Variants in PCDHGB2 observed in about 807,000 individuals in gnomAD.
PCDHGB2 encodes the protein protocadherin gamma subfamily B, 2.
A neutral mutation model predicts 59.3 loss-of-function variants in PCDHGB2; 55 were observed. That is an observed-to-expected ratio of 0.93 (90% CI 0.75 to 1.16). The LOEUF (loss-of-function observed/expected upper bound fraction) is 1.16, where lower values mean the gene tolerates loss of function less well. PCDHGB2 is among the 50% of genes most tolerant of loss of function. The probability of loss-of-function intolerance (pLI) is 0.00; values close to 1 mark genes in which losing one functional copy is unlikely to be tolerated. For missense variants in PCDHGB2, 1,228 were observed against 1,198.5 expected (o/e 1.02, Z -0.36); for synonymous variants, 516 against 512.0 (o/e 1.01, Z -0.11).
At chr5:141,404,080 C>T (rs369802030) in intron 1 of PCDHGB2, 6 of 1,613,516 alleles carry the variant, frequency 3.7e-6, no homozygotes, top group Non-Finnish European at 4.2e-6. Context: ...ACCGAGACTC[C>T]GGGAAGAATG....
chr5:141,509,709 T>C (rs1344120168), intron 3 of PCDHGB2, among the ~76,000 whole-genome samples: 1 of 152,200 alleles, frequency 6.6e-6, no homozygotes, highest in African/African-American at 2.4e-5. Context: ...CTGGAGGTGC[T>C]GTCTGATGTC....
chr5:141,442,786 A>T (rs569050347), intron 1 of PCDHGB2, among the ~76,000 whole-genome samples: 12 of 152,308 alleles, frequency 7.9e-5, no homozygotes, highest in African/African-American at 2.6e-4. Context: ...TATATTTTAT[A>T]ATTTTACTTT....
chr5:141,365,581 T>C (rs751305003), intron 1 of PCDHGB2: 49 of 1,613,586 alleles, frequency 3.0e-5, no homozygotes, highest in Middle Eastern at 1.6e-4. Context: ...AGACTTCAGA[T>C]TATAATATCA....
chr5:141,446,138 T>C (rs1254949926), intron 1 of PCDHGB2, among the ~76,000 whole-genome samples: 1 of 152,208 alleles, frequency 6.6e-6, no homozygotes, highest in African/African-American at 2.4e-5. Context: ...GACTTAATAA[T>C]GGAATAGGTG....
At chr5:141,372,931 A>T in intron 1 of PCDHGB2, 1 of 890,318 alleles carries the variant, frequency 1.1e-6, no homozygotes, top group Non-Finnish European at 1.6e-6. Flanking sequence ...TTTCTGGTGT[A>T]GAGTAGGGTG....
rs375711929 is a variant in PCDHGB2 at position 141,364,934 on chromosome 5, C to T, written c.2421+2378C>T. 6 of 1,613,896 alleles carry T rather than the reference C, an allele frequency of 3.7e-6. No individual in the cohort carries two copies. Among genetic ancestry groups the T allele is most frequent in the Non-Finnish European group, 5.1e-6 (6 of 1,179,876 alleles). On this transcript the variant is annotated intron_variant, in intron 1 of 3. Transcript: ENST00000522605. Reference sequence around the variant, plus strand: ...GCTGGTGTTGGAACAGCCCCTAGACCGCGAGAAAGAGACTGTTCACGACCT... The same window carrying T: ...GCTGGTGTTGGAACAGCCCCTAGACTGCGAGAAAGAGACTGTTCACGACCT...
chr5:141,499,260 G>T (rs2099790657), intron 2 of PCDHGB2, among the ~76,000 whole-genome samples: 1 of 152,028 alleles, frequency 6.6e-6, no homozygotes, highest in African/African-American at 2.4e-5. Context: ...GTCTCCATTT[G>T]GTCCCTAGAC....
intron 1 of PCDHGB2, among the ~76,000 whole-genome samples, chr5:141,469,739 A>G (rs1352751978): frequency 1.3e-5 from 2 of 152,262 alleles, no homozygotes; most frequent in African/African-American, 4.8e-5. Flanking sequence ...TACACACCTC[A>G]AAAATTACAA....
chr5:141,423,564 G>A (rs2096754933), intron 1 of PCDHGB2: 2 of 1,613,444 alleles, frequency 1.2e-6, no homozygotes, highest in Non-Finnish European at 1.7e-6. Context: ...ATGGGGACAC[G>A]CTCATCAGCC....
chr5:141,486,645 C>T lies in PCDHGB2; in HGVS notation c.2422-8162C>T, dbSNP rs369948556. ...GACTCTGGCTTGAATGCGCTTATCT[C>T]CTACTCACTCCTGGAGCCCAGGAAT... On this transcript the variant is annotated intron_variant, in intron 1 of 3. Coordinates refer to ENST00000522605, the MANE Select transcript of PCDHGB2 (RefSeq NM_018923.3). This position sits in a 1 kb window ranked among gnomAD's most constrained non-coding sequence, Gnocchi z 5.0. 1.9e-6 allele frequency: 3 copies of T among 1,613,752 alleles called. No individual in the cohort carries two copies. The highest frequency in any genetic ancestry group is 2.2e-5 in the East Asian group (1 of 44,896).
intron 1 of PCDHGB2, chr5:141,420,142 G>T: frequency 4.3e-6 from 7 of 1,614,004 alleles, no homozygotes; most frequent in Non-Finnish European, 5.9e-6. Flanking sequence ...GGGATCAAAT[G>T]AATCCAGAAT....
At chr5:141,465,779 G>GTT (rs879859429) in intron 1 of PCDHGB2, among the ~76,000 whole-genome samples, 3 of 145,118 alleles carry the variant, frequency 2.1e-5, no homozygotes, top group Non-Finnish European at 3.0e-5. Context: ...TCTTGTTACA[G>GTT]TTTTTTTTTT....
rs779317191 is a variant in PCDHGB2, at chr5:141,432,553, C to G, written c.2422-62254C>G. The G allele has an allele frequency of 2.6e-5, 42 of 1,613,748 alleles. No individual in the cohort carries two copies. The highest frequency in any genetic ancestry group is 2.0e-4 in the South Asian group (18 of 91,068). The stretch of plus-strand genomic sequence containing the variant: ...AGGTGGTGGCGGTGGACAGAGACTC[C>G]GGCCAGAACGCCTGGCTGTCCTACC... On this transcript the variant is annotated intron_variant, in intron 1 of 3. Coordinates refer to ENST00000522605, the MANE Select transcript of PCDHGB2 (RefSeq NM_018923.3). The surrounding 1 kb of genome is among the most constrained non-coding windows in gnomAD (Gnocchi z 6.0).
chr5:141,372,115 T>C, intron 1 of PCDHGB2: 1 of 1,613,758 alleles, frequency 6.2e-7, no homozygotes, highest in Non-Finnish European at 8.5e-7. Flanking sequence ...GGCTCTGCGC[T>C]CTTCGATATG....
chr5:141,507,872 C>T (rs2099864458), intron 3 of PCDHGB2, among the ~76,000 whole-genome samples: 1 of 152,168 alleles, frequency 6.6e-6, no homozygotes, highest in African/African-American at 2.4e-5. Flanking sequence ...GCTTCCTAGC[C>T]CTGAAACCAG....
Position 141,485,582 on chromosome 5 carries a change from C to G in PCDHGB2, c.2422-9225C>G. The G allele has an allele frequency of 6.2e-7, 1 of 1,612,374 alleles. No individual in the cohort carries two copies. Among genetic ancestry groups the G allele is most frequent in the South Asian group, 1.1e-5 (1 of 90,956 alleles). On this transcript the variant is annotated intron_variant, in intron 1 of 3. Transcript: ENST00000522605. The surrounding 1 kb of genome is among the most constrained non-coding windows in gnomAD (Gnocchi z 5.7). ...TCACGCCCCCCGTTTTCCGCGGCAG[C>G]AGCTGGACTTGGAAATTGGGGAGGC...
rs777537456 is a variant in PCDHGB2 at position 141,360,215 on chromosome 5, G to C, written c.80G>C (p.Gly27Ala). 30 of 1,613,432 alleles carry C rather than the reference G, an allele frequency of 1.9e-5. No individual in the cohort carries two copies. Among genetic ancestry groups the C allele is most frequent in the Non-Finnish European group, 2.5e-5 (29 of 1,179,644 alleles). The change falls in exon 1 of 4, where the codon GGG becomes GCG. Residue 27 changes from glycine (G) to alanine (A), a missense_variant. Transcript: ENST00000522605. ...LLPFLLSLFP[G>A]ALPVQIRYSI... ...CCCTTCCTGTTGTCTTTGTTCCCCG[G>C]GGCTCTCCCAGTCCAGATCCGCTAT...
intron 1 of PCDHGB2, chr5:141,393,074 G>C (rs775449711): frequency 7.4e-6 from 12 of 1,613,592 alleles, no homozygotes; most frequent in African/African-American, 2.7e-5. Flanking sequence ...TGATCACCGC[G>C]GGCAGGATAG....
intron 1 of PCDHGB2, chr5:141,417,860 A>G (rs1168739756): frequency 7.7e-6 from 12 of 1,549,390 alleles, no homozygotes; most frequent in African/African-American, 1.4e-5. Flanking sequence ...CGAGCGAACG[A>G]TGGGAGGGAG....
Sources: gnomAD v4.1 joint callset for allele counts (sites outside exome capture counted in the v4.1 genomes callset) on GRCh38, gnomAD v4.1.1 for gene constraint, Gnocchi (gnomAD v3.1) non-coding constraint, MANE v1.5 for transcripts, NCBI Gene and HGNC (gene_info 2026-07-23, HGNC 2026-07-21) for gene names.